Variants in POU2F2 observed in about 807,000 individuals in gnomAD.
POU2F2 encodes POU class 2 homeobox 2, also known as POU domain, class 2, transcription factor 2.
POU2F2 carries 14 observed loss-of-function variants against 63.5 expected under a neutral mutation model. The ratio of observed to expected loss-of-function variants is 0.22; its 90% CI spans 0.15 to 0.34. The LOEUF is 0.34. Ranked by LOEUF, POU2F2 falls within the 10% of genes least tolerant of loss-of-function variation. The pLI is 1.00. For missense variants in POU2F2, 607 were observed against 815.2 expected (o/e 0.74, Z 3.11); for synonymous variants, 306 against 348.6 (o/e 0.88, Z 1.36).
intron 1 of POU2F2, among the ~76,000 whole-genome samples, chr19:42,164,804 A>T (rs1037174950): frequency 6.6e-6 from 1 of 151,872 alleles, no homozygotes; most frequent in Admixed American, 6.5e-5. Flanking sequence ...TCTACAAAAA[A>T]TACAAAAATT....
chr19:42,127,123 A>C (rs915161938), intron 1 of POU2F2, among the ~76,000 whole-genome samples: 6 of 151,812 alleles, frequency 4.0e-5, no homozygotes, highest in Non-Finnish European at 8.8e-5. Flanking sequence ...TTAAAAAAAA[A>C]ATTTTTTTTT....
rs2076623473 is a variant in POU2F2 at position 42,088,666 on chromosome 19, C to CCT, written c.*2589_*2590dup. On this transcript the variant is annotated 3_prime_UTR_variant, in exon 15 of 15. Transcript: ENST00000692977. Reference sequence around the variant, plus strand: ...CTATTTGGTCAGGAGCCCTTGGCCCCCTCTCCACCCTTGGGCTGGGGCCCA... The same window carrying CCT: ...CTATTTGGTCAGGAGCCCTTGGCCCCCTCTCTCCACCCTTGGGCTGGGGCCCA... 6.6e-6 allele frequency: 1 copy of CCT among 152,504 alleles called. No homozygotes were observed. Among genetic ancestry groups the CCT allele is most frequent in the African/African-American group, 2.4e-5 (1 of 41,388 alleles). The allele number at this position is 152,504 out of a possible 1,614,324, so 9.4% of individuals were successfully genotyped here.
upstream of POU2F2, among the ~76,000 whole-genome samples, chr19:42,179,525 G>A (rs1334568076): frequency 2.0e-5 from 3 of 151,888 alleles, no homozygotes; most frequent in Admixed American, 6.6e-5. Flanking sequence ...ACAGGAGGGG[G>A]AAGGCAGGGA....
At chr19:42,179,561 C>T (rs114998186), upstream of POU2F2, among the ~76,000 whole-genome samples, 97 of 152,082 alleles carry the variant, frequency 6.4e-4, no homozygotes, top group African/African-American at 2.1e-3. Flanking sequence ...AGGAGGAGGA[C>T]GCAGGCACGC....
chr19:42,121,398 T>A (rs924295330), intron 4 of POU2F2, among the ~76,000 whole-genome samples: 1 of 151,860 alleles, frequency 6.6e-6, no homozygotes, highest in Non-Finnish European at 1.5e-5. Flanking sequence ...CCCTGACCAA[T>A]GATACTGAAG....
rs1454298305 is a variant in POU2F2, at chr19:42,091,436, C to A, written c.1696G>T (p.Gly566Cys). The A allele has an allele frequency of 4.5e-6, 7 of 1,550,542 alleles. No homozygotes were observed. In the Admixed American group the frequency reaches 1.4e-4, roughly 30 times the overall value. The change falls in exon 15 of 15, where the codon GGT (glycine) becomes TGT (cysteine). Residue 566 changes from glycine to cysteine, a missense_variant. Physicochemically the swap from Gly to Cys is radical, Grantham distance 159. This residue lies in a region of POU2F2 where 270 missense variants were observed against 307.5 expected (regional missense o/e 0.88). Transcript: ENST00000692977. ...AGLPLLSTPP[G>C]VGLVSAAAAA... Reference sequence around the variant, plus strand: ...GCCGCTGCTGAGACCAGGCCCACACCAGGCGGGGTGCTGAGCAGGGGCAGC... The same window carrying A: ...GCCGCTGCTGAGACCAGGCCCACACAAGGCGGGGTGCTGAGCAGGGGCAGC...
intron 11 of POU2F2, among the ~76,000 whole-genome samples, chr19:42,094,156 T>C (rs1371689005): frequency 6.6e-6 from 1 of 152,236 alleles, no homozygotes; most frequent in East Asian, 1.9e-4. Flanking sequence ...TGCAGGGTTG[T>C]GTCCTGTCTG....
intron 5 of POU2F2, chr19:42,116,876 A>AGGCGGCGGC (rs555150584): frequency 8.2e-5 from 37 of 449,286 alleles, no homozygotes; most frequent in South Asian, 2.0e-4. Context: ...GAGGAGGCGG[A>AGGCGGCGGC]GGCGGCGGCG....
chr19:42,142,321 G>A (rs761815868), intron 2 of POU2F2, among the ~76,000 whole-genome samples: 2 of 152,070 alleles, frequency 1.3e-5, no homozygotes, highest in Non-Finnish European at 2.9e-5. Context: ...CTCCCGAGTA[G>A]CTGGGATTAC....
upstream of POU2F2, among the ~76,000 whole-genome samples, chr19:42,197,469 CG>C (rs1270693564): frequency 1.3e-5 from 2 of 152,156 alleles, no homozygotes; most frequent in Non-Finnish European, 2.9e-5. Flanking sequence ...CACATCAAGA[CG>C]GGTCGAAATT....
chr19:42,093,316 A>ATAT (rs991345323), intron 12 of POU2F2, among the ~76,000 whole-genome samples: 1 of 151,980 alleles, frequency 6.6e-6, no homozygotes, highest in Non-Finnish European at 1.5e-5. Context: ...AGCGAATTTT[A>ATAT]TATTATTATT....
chr19:42,161,902 T>G (rs944863794), intron 1 of POU2F2, among the ~76,000 whole-genome samples: 6 of 152,128 alleles, frequency 3.9e-5, no homozygotes, highest in Non-Finnish European at 7.4e-5. Context: ...TTAAGGAGAT[T>G]TAGGGCCGGG....
At chr19:42,115,695 C>T (rs550784859) in intron 5 of POU2F2, among the ~76,000 whole-genome samples, 13 of 152,280 alleles carry the variant, frequency 8.5e-5, no homozygotes, top group African/African-American at 2.9e-4. Context: ...TCTGCTCCCC[C>T]GGCTGTCCTT....
rs188485970 is a variant in POU2F2, at chr19:42,196,153, C to T, written c.-70+230G>A. Among the ~76,000 whole-genome samples the T allele has an allele frequency of 3.4e-3, 520 of 152,198 alleles. 5 individuals are homozygous for T. Among genetic ancestry groups the T allele is most frequent in the African/African-American group, 0.012 (493 of 41,534 alleles). ...GGTGCCCCCAGCGTCCCCTGGGCTC[C>T]GACCCGCTGTGTCCACATCATCACA... On this transcript the variant is annotated intron_variant, in intron 1 of 5. Coordinates refer to the POU2F2 transcript ENST00000532176.
rs577503577 is a variant in POU2F2 at position 42,169,942 on chromosome 19, C to T, written c.-70+6021G>A. 2.6e-5 allele frequency among the ~76,000 whole-genome samples: 4 copies of T among 152,192 alleles called. No individual in the cohort carries two copies. The highest frequency in any genetic ancestry group is 9.6e-5 in the African/African-American group (4 of 41,514). On this transcript the variant is annotated intron_variant, in intron 1 of 6. Coordinates refer to the POU2F2 transcript ENST00000524801. This position sits in a 1 kb window ranked among gnomAD's most constrained non-coding sequence, Gnocchi z 4.3. ...GAGGGGGCCGGGGTGTCAGCGAGCTCCTGTGTCACAAGGTTAATTTCTCCA... is the reference window on the plus strand; with the variant it reads ...GAGGGGGCCGGGGTGTCAGCGAGCTTCTGTGTCACAAGGTTAATTTCTCCA...
At chr19:42,194,588 A>G (rs528853932) in intron 1 of POU2F2, among the ~76,000 whole-genome samples, 151 of 151,342 alleles carry the variant, frequency 1.0e-3, no homozygotes, top group Non-Finnish European at 1.1e-3. Flanking sequence ...GTGAAACCCC[A>G]CCTCTACTAA....
intron 2 of POU2F2, among the ~76,000 whole-genome samples, chr19:42,151,943 G>A (rs769693987): frequency 2.6e-5 from 4 of 152,352 alleles, no homozygotes; most frequent in South Asian, 2.1e-4. Flanking sequence ...CTTAACGTCC[G>A]TCAGAAAGGG....
upstream of POU2F2, among the ~76,000 whole-genome samples, chr19:42,196,868 G>C (rs2035154432): frequency 6.6e-6 from 1 of 152,238 alleles, no homozygotes; most frequent in Non-Finnish European, 1.5e-5. Flanking sequence ...CTTCTGGCAA[G>C]CACGTGCTGG....
In POU2F2 at chr19:42,088,018, C is replaced by G. The variant is rs985315461; in HGVS notation, c.*3239G>C. On this transcript the variant is annotated 3_prime_UTR_variant, in exon 15 of 15. Coordinates refer to ENST00000692977, the MANE Select transcript of POU2F2 (RefSeq NM_001394376.1). ...ATCACCTTCCCAACCCTGGCTCCCT[C>G]CAGCCCCCCAGCCCCTTGCCCTGGC... 3 of 152,200 alleles carry G rather than the reference C, an allele frequency of 2.0e-5. No individual in the cohort carries two copies. Among genetic ancestry groups the G allele is most frequent in the African/African-American group, 7.2e-5 (3 of 41,440 alleles). The allele number at this position is 152,200 out of a possible 1,614,324, so 9.4% of individuals were successfully genotyped here. A position where few individuals can be genotyped will look rare whatever the true frequency, so the allele number is the denominator to read the frequency against.
Sources: allele counts gnomAD v4.1 joint callset (sites outside exome capture counted in the v4.1 genomes callset), GRCh38; gene constraint gnomAD v4.1.1; regional missense constraint gnomAD v4.1.1; non-coding constraint Gnocchi (gnomAD v3.1); transcripts MANE v1.5; gene names NCBI Gene and HGNC (gene_info 2026-07-23, HGNC 2026-07-21).